The following EFTUD2 variants were observed in gnomAD, a reference collection of about 807,000 sequenced individuals.
EFTUD2 encodes the protein 116 kDa U5 small nuclear ribonucleoprotein component.
In EFTUD2, 9 loss-of-function variants were observed where a neutral mutation model predicts 114.3. The ratio of observed to expected loss-of-function variants is 0.08; its 90% CI spans 0.05 to 0.14. The LOEUF (loss-of-function observed/expected upper bound fraction) is 0.14, where lower values mean the gene tolerates loss of function less well. Ranked by LOEUF, EFTUD2 falls within the 10% of genes least tolerant of loss-of-function variation. The pLI is 1.00. For synonymous variants in EFTUD2, 449 were observed against 462.3 expected (o/e 0.97, Z 0.37); for missense variants, 765 against 1,241.2 (o/e 0.62, Z 5.76).
intron 9 of EFTUD2, among the ~76,000 whole-genome samples, chr17:44,878,861 C>T (rs975450650): frequency 3.9e-5 from 6 of 152,108 alleles, no homozygotes; most frequent in Non-Finnish European, 7.3e-5. Context: ...TAAGGTTAGC[C>T]AAAGTGTTCC....
At position 44,854,540 on chromosome 17, in the gene EFTUD2, A is replaced by C. The variant is rs2050512630; in HGVS notation, c.2259+16T>G. The stretch of plus-strand genomic sequence containing the variant: ...GGTAAGAGACCGCCACCCAGTTCCC[A>C]TCAGTTCTGCTGTACCTCAGAGGGC... On this transcript the variant is annotated intron_variant, in intron 22 of 27. Transcript: ENST00000426333. The surrounding 1 kb of genome is among the most constrained non-coding windows in gnomAD (Gnocchi z 4.3). 6.2e-7 allele frequency: 1 copy of C among 1,610,736 alleles called. No individual in the cohort carries two copies. Among genetic ancestry groups the C allele is most frequent in the East Asian group, 2.2e-5 (1 of 44,814 alleles).
At chr17:44,865,925 CCT>C (rs1399416223) in intron 13 of EFTUD2, among the ~76,000 whole-genome samples, 1 of 151,948 alleles carries the variant, frequency 6.6e-6, no homozygotes, top group African/African-American at 2.4e-5. Flanking sequence ...GATCCTCCTG[CCT>C]CAGCCCCCCA....
At chr17:44,862,231 T>C (rs1423348402) in intron 16 of EFTUD2, among the ~76,000 whole-genome samples, 2 of 152,040 alleles carry the variant, frequency 1.3e-5, no homozygotes, top group Non-Finnish European at 2.9e-5. Context: ...GCCCAGGAGT[T>C]GGAGACCAGC....
At chr17:44,891,324 TAA>T (rs1391063814) in intron 2 of EFTUD2, among the ~76,000 whole-genome samples, 1 of 152,210 alleles carries the variant, frequency 6.6e-6, no homozygotes, top group Non-Finnish European at 1.5e-5. Flanking sequence ...GAGTAAGAAC[TAA>T]AGAGTATGAG....
At chr17:44,860,134 A>C in intron 17 of EFTUD2, 89 bp from the exon 18 acceptor site, 1 of 1,578,300 alleles carries the variant, frequency 6.3e-7, no homozygotes. Flanking sequence ...GGACTTGCTT[A>C]GGATCAGACT....
At chr17:44,881,814 C>T in intron 6 of EFTUD2, 92 bp from the exon 7 acceptor site, 1 of 1,235,140 alleles carries the variant, frequency 8.1e-7, no homozygotes. Flanking sequence ...CCTCCCAGCT[C>T]AAGGGTTTCT....
chr17:44,868,808 T>C (rs996645933), intron 11 of EFTUD2, among the ~76,000 whole-genome samples: 2 of 152,202 alleles, frequency 1.3e-5, no homozygotes, highest in Admixed American at 1.3e-4. Context: ...CATAAGGTTC[T>C]GGCTAGCCCT....
intron 1 of EFTUD2, among the ~76,000 whole-genome samples, chr17:44,895,495 C>CAA (rs34990843): frequency 1.2e-4 from 11 of 88,050 alleles, no homozygotes; most frequent in South Asian, 3.8e-4. Flanking sequence ...GACTCCATCT[C>CAA]AAAAAAAAAA....
chr17:44,883,265 A>AG, intron 5 of EFTUD2, 107 bp from the exon 6 acceptor site: 1 of 920,610 alleles, frequency 1.1e-6, no homozygotes, highest in Non-Finnish European at 1.7e-6. Flanking sequence ...GGAGAGAAAA[A>AG]GGAGAGCAAG....
chr17:44,875,395 T>C (rs1260417800), intron 10 of EFTUD2, among the ~76,000 whole-genome samples: 1 of 151,948 alleles, frequency 6.6e-6, no homozygotes, highest in Non-Finnish European at 1.5e-5. Context: ...CCGGGCGTGG[T>C]GACGGGTGCC....
chr17:44,873,408 C>A (rs1408344753), intron 10 of EFTUD2, among the ~76,000 whole-genome samples: 1 of 150,760 alleles, frequency 6.6e-6, no homozygotes, highest in Admixed American at 6.6e-5. Context: ...CAGGCTGGAG[C>A]ACAGTGGTAC....
Position 44,857,145 on chromosome 17 carries a change from C to G in EFTUD2, c.1975G>C (p.Val659Leu). The change falls in exon 20 of 28, where the codon GTT (valine) becomes CTT (leucine). Residue 659 changes from valine (V) to leucine (L), a missense_variant. By Grantham distance (32) the Val-to-Leu change is conservative (BLOSUM62 1). Around this residue, in one of 6 missense-constraint regions of EFTUD2, gnomAD observed 149 missense variants for 245.1 expected, o/e 0.61. Coordinates refer to ENST00000426333, the MANE Select transcript of EFTUD2 (RefSeq NM_004247.4). ...SEIDIKVADP[V>L]VTFCETVVET... ...ACCACCGTCTCACAAAACGTGACAA[C>G]TGGGTCAGCCACCTGGGAAACAGAA... is the stretch of plus-strand genomic sequence containing the variant. The G allele has an allele frequency of 6.2e-7, 1 of 1,613,950 alleles. No individual in the cohort carries two copies. Among genetic ancestry groups the G allele is most frequent in the Non-Finnish European group, 8.5e-7 (1 of 1,179,832 alleles).
chr17:44,881,629 A>G (rs2051074594), intron 7 of EFTUD2, 58 bp downstream of exon 7: 3 of 1,588,398 alleles, frequency 1.9e-6, no homozygotes, highest in South Asian at 1.1e-5. Context: ...ATTCCCTACA[A>G]AACTATTACT....
chr17:44,875,274 T>C (rs2050925890), intron 10 of EFTUD2, among the ~76,000 whole-genome samples: 1 of 152,152 alleles, frequency 6.6e-6, no homozygotes, highest in East Asian at 1.9e-4. Context: ...TTCACGCCTG[T>C]AATCCCAGCA....
intron 27 of EFTUD2, 38 bp downstream of exon 27, chr17:44,851,672 G>A (rs1206801224): frequency 1.3e-6 from 2 of 1,523,142 alleles, no homozygotes; most frequent in Non-Finnish European, 1.8e-6. Context: ...AGAGTCCTGG[G>A]GGGTTGAGGG....
chr17:44,870,927 A>G (rs1473967553), intron 11 of EFTUD2, among the ~76,000 whole-genome samples: 2 of 152,078 alleles, frequency 1.3e-5, no homozygotes, highest in Non-Finnish European at 2.9e-5. Flanking sequence ...CTGAGGCAGG[A>G]GAATCACTTA....
intron 23 of EFTUD2, 77 bp from the exon 24 acceptor site, chr17:44,853,712 T>G: frequency 1.9e-6 from 3 of 1,586,980 alleles, no homozygotes; most frequent in Non-Finnish European, 2.6e-6. Context: ...AGCAGTCTCC[T>G]GCAACACTGC....
At chr17:44,876,892 C>CTAT (rs1354715614) in intron 9 of EFTUD2, among the ~76,000 whole-genome samples, 1 of 149,648 alleles carries the variant, frequency 6.7e-6, no homozygotes, top group Admixed American at 6.7e-5. Context: ...CTACTCCCCA[C>CTAT]TATGAGCCAG....
At chr17:44,869,939 T>C (rs145297829) in intron 11 of EFTUD2, among the ~76,000 whole-genome samples, 61 of 152,364 alleles carry the variant, frequency 4.0e-4, no homozygotes, top group African/African-American at 1.4e-3. Context: ...TGCCTTATTG[T>C]ATTATATTCC....
Sources: gnomAD v4.1 joint callset for allele counts (sites outside exome capture counted in the v4.1 genomes callset) on GRCh38, gnomAD v4.1.1 for gene constraint, gnomAD v4.1.1 regional missense constraint, Gnocchi (gnomAD v3.1) non-coding constraint, MANE v1.5 for transcripts, NCBI Gene and HGNC (gene_info 2026-07-23, HGNC 2026-07-21) for gene names.